The following CTSC variants were observed in gnomAD, a reference collection of about 807,000 sequenced individuals.
The protein encoded by CTSC is cathepsin C, also known as dipeptidyl peptidase 1.
CTSC carries 37 observed loss-of-function variants against 40.9 expected under a neutral mutation model. The ratio of observed to expected loss-of-function variants is 0.91; its 90% CI spans 0.70 to 1.19. The LOEUF (loss-of-function observed/expected upper bound fraction) is 1.19. CTSC is among the 50% of genes most tolerant of loss of function. The pLI is 0.00. For missense variants in CTSC, 594 were observed against 567.3 expected (o/e 1.05, Z -0.48); for synonymous variants, 232 against 207.4 (o/e 1.12, Z -1.02).
chr11:88,333,330 A>G (rs1433557076), intron 2 of CTSC, among the ~76,000 whole-genome samples: 1 of 152,188 alleles, frequency 6.6e-6, no homozygotes, highest in Non-Finnish European at 1.5e-5. Context: ...TATTTAACCT[A>G]TTTCCCAACT....
At chr11:88,310,493 A>G (rs1171839270) in intron 3 of CTSC, among the ~76,000 whole-genome samples, 2 of 152,222 alleles carry the variant, frequency 1.3e-5, no homozygotes, top group Non-Finnish European at 2.9e-5. Context: ...AAAACAAGAT[A>G]TAATTAACCT....
rs1387914452 is a variant in CTSC at position 88,309,195 on chromosome 11, C to A, written c.609G>T (p.Arg203Ser). 3 of 1,613,880 alleles carry A rather than the reference C, an allele frequency of 1.9e-6. No homozygotes were observed. The highest frequency in any genetic ancestry group is 2.5e-6 in the Non-Finnish European group (3 of 1,179,946). ...YETLTLGDMI[R>S]RSGGHSRKIP... ...TTTTTCGACTGTGGCCACCACTTCTCCTAATCATATCTCCCAGGGTAAGAG... is the reference window on the plus strand; with the variant it reads ...TTTTTCGACTGTGGCCACCACTTCTACTAATCATATCTCCCAGGGTAAGAG... The change falls in exon 4 of 7, where the codon AGG becomes AGT. Residue 203 changes from arginine to serine, a missense_variant. Coordinates refer to ENST00000227266, the MANE Select transcript of CTSC (RefSeq NM_001814.6).
intron 2 of CTSC, chr11:88,325,338 T>C (rs1329392148): frequency 1.0e-6 from 1 of 985,312 alleles, no homozygotes; most frequent in Non-Finnish European, 1.2e-6. Context: ...AGTAGCCTAA[T>C]AGCTAAGGAA....
chr11:88,310,029 T>A (rs1248427798), intron 3 of CTSC, among the ~76,000 whole-genome samples: 1 of 152,160 alleles, frequency 6.6e-6, no homozygotes, highest in East Asian at 1.9e-4. Flanking sequence ...TATAACCATA[T>A]GATACTAAAA....
intron 2 of CTSC, among the ~76,000 whole-genome samples, chr11:88,329,996 T>C (rs763901569): frequency 1.3e-5 from 2 of 152,322 alleles, no homozygotes; most frequent in Non-Finnish European, 1.5e-5. Context: ...CTAGCCTGCA[T>C]TGTGTTTTTA....
At chr11:88,296,053 C>A (rs1407012173) in intron 6 of CTSC, 80 bp downstream of exon 6, 4 of 1,469,632 alleles carry the variant, frequency 2.7e-6, no homozygotes, top group Non-Finnish European at 3.8e-6. Context: ...TCTACTGCAT[C>A]ATCCTTTTGC....
chr11:88,336,539 CAAAAA>C (rs35388709), intron 1 of CTSC, among the ~76,000 whole-genome samples: 1 of 87,398 alleles, frequency 1.1e-5, no homozygotes, highest in Non-Finnish European at 2.6e-5. Context: ...ACTCCATTCT[CAAAAA>C]AAAAAAAAAA....
chr11:88,311,602 G>C (rs1268395629), intron 3 of CTSC, among the ~76,000 whole-genome samples: 1 of 152,170 alleles, frequency 6.6e-6, no homozygotes, highest in Admixed American at 6.5e-5. Flanking sequence ...GCAGTTTATA[G>C]TCTGAATTGT....
chr11:88,296,275 A>G lies in CTSC; in HGVS notation c.758-11T>C. ...AGCTGCCACAGGATGCTGGCGATGAAAAAAAGACACATAATCCAAGAGACA... is the reference window on the plus strand; with the variant it reads ...AGCTGCCACAGGATGCTGGCGATGAGAAAAAGACACATAATCCAAGAGACA... On this transcript the variant is annotated splice_polypyrimidine_tract_variant and intron_variant, in intron 5 of 6. Transcript: ENST00000227266. The G allele has an allele frequency of 6.2e-7, 1 of 1,613,552 alleles. No individual in the cohort carries two copies. The highest frequency in any genetic ancestry group is 8.5e-7 in the Non-Finnish European group (1 of 1,179,644).
chr11:88,316,145 C>T (rs1162830306), intron 2 of CTSC, among the ~76,000 whole-genome samples: 3 of 152,154 alleles, frequency 2.0e-5, no homozygotes, highest in Non-Finnish European at 4.4e-5. Flanking sequence ...CCTATGTTGC[C>T]TTGGCTCTTT....
Position 88,294,321 on chromosome 11 carries a change from C to A in CTSC, c.1077G>T (p.Leu359=). Residue 359 remains leucine, a synonymous_variant, in exon 7 of 7, where the codon CTG becomes CTT. Coordinates refer to ENST00000227266, the MANE Select transcript of CTSC (RefSeq NM_001814.6). The part of the protein sequence containing the change: ...GGFYGGCNEA[L]MKLELVHHGP... ...CATGATGGACCAACTCAAGCTTCAT[C>A]AGGGCTTCATTGCAGCCTCCATAGA... 4 of 1,614,148 alleles carry A rather than the reference C, an allele frequency of 2.5e-6. No homozygotes were observed. The highest frequency in any genetic ancestry group is 3.4e-6 in the Non-Finnish European group (4 of 1,180,024).
In CTSC at chr11:88,309,142, A is replaced by G. The variant is rs767951016; in HGVS notation, c.641+21T>C. On this transcript the variant is annotated intron_variant, in intron 4 of 6. Transcript: ENST00000227266. ...TTCAGCATTCATATTTTTATTAATG[A>G]TAAAATGTGTGCTTGATTACCTTGG... The G allele has an allele frequency of 8.7e-6, 14 of 1,610,038 alleles. No homozygotes were observed. The Admixed American group carries it at 1.0e-4, about 12-fold the overall frequency.
In CTSC at chr11:88,293,753, A is replaced by G. The variant is rs116618365; in HGVS notation, c.*253T>C. ...AGCATGTTTGAATTACAAATGATTA[A>G]GCAAACTCTATTACTTCATAGCTGA... On this transcript the variant is annotated 3_prime_UTR_variant, in exon 7 of 7. Coordinates refer to ENST00000227266, the MANE Select transcript of CTSC (RefSeq NM_001814.6). 1,455 of 516,386 alleles carry G rather than the reference A, an allele frequency of 2.8e-3. 20 individuals are homozygous for G. The highest frequency in any genetic ancestry group is 0.023 in the African/African-American group (1,208 of 52,554). The allele number at this position is 516,386 out of a possible 1,614,324, so 32.0% of individuals were successfully genotyped here.
rs3079112 is a variant in CTSC, at chr11:88,336,238, TA to T, written c.173-1157del. ...CTGCCCCAACCTTCAAACTCAAATT[TA>T]AAAAAAAAAAAAAAAAAAAGGCCAG... On this transcript the variant is annotated intron_variant, in intron 1 of 6. Coordinates refer to ENST00000227266, the MANE Select transcript of CTSC (RefSeq NM_001814.6). Among the ~76,000 whole-genome samples, 399 of 127,162 alleles carry T rather than the reference TA, an allele frequency of 3.1e-3. 1 individual carries two copies. The highest frequency in any genetic ancestry group is 8.7e-3 in the East Asian group (39 of 4,476). The allele number at this position is 127,162 out of a possible 152,430, so 83.4% of individuals were successfully genotyped here.
At chr11:88,322,609 T>G (rs1291489317) in intron 2 of CTSC, 1 of 152,046 alleles carries the variant, frequency 6.6e-6, no homozygotes. Flanking sequence ...CTCACAGAAG[T>G]ACAAACAACC....
At position 88,334,947 on chromosome 11, in the gene CTSC, G is replaced by A. The variant is rs769892343; in HGVS notation, c.308C>T (p.Ala103Val). The change falls in exon 2 of 7, where the codon GCC becomes GTC. Residue 103 changes from alanine (A) to valine (V), a missense_variant. Ala to Val is a moderately conservative substitution (Grantham distance 64). Coordinates refer to ENST00000227266, the MANE Select transcript of CTSC (RefSeq NM_001814.6). ...EIVLNDYKWF[A>V]FFKYKEEGSK... is the part of the protein sequence containing the mutation. The stretch of plus-strand genomic sequence containing the variant: ...TCCAACAAAACTAACCTTAAAAAAG[G>A]CAAACCACTTGTAGTCATTCAACAC... The A allele has an allele frequency of 1.9e-6, 3 of 1,611,982 alleles. No individual in the cohort carries two copies. The highest frequency in any genetic ancestry group is 2.5e-6 in the Non-Finnish European group (3 of 1,178,456).
At chr11:88,316,798 G>A (rs1268227878) in intron 2 of CTSC, among the ~76,000 whole-genome samples, 1 of 152,192 alleles carries the variant, frequency 6.6e-6, no homozygotes, top group African/African-American at 2.4e-5. Context: ...GAGGTGTGGT[G>A]ATGCCAATAT....
rs1333533122 is a variant in CTSC, at chr11:88,317,626, G to A, written c.319-5072C>T. ...TTTTCTTGATTTGAATGTTTTCGGGGTATGTCATTTTTTCCTGTGAAATAC... is the reference window on the plus strand; with the variant it reads ...TTTTCTTGATTTGAATGTTTTCGGGATATGTCATTTTTTCCTGTGAAATAC... On this transcript the variant is annotated intron_variant, in intron 2 of 6. Transcript: ENST00000227266. 3.3e-5 allele frequency among the ~76,000 whole-genome samples: 5 copies of A among 152,084 alleles called. No individual in the cohort carries two copies. In the East Asian group the frequency reaches 9.6e-4, roughly 29 times the overall value.
intron 5 of CTSC, 85 bp downstream of exon 5, chr11:88,300,445 G>T: frequency 1.2e-6 from 1 of 813,844 alleles, no homozygotes; most frequent in South Asian, 1.4e-5. Context: ...TTCCATCTAG[G>T]TATCCCCGAA....
Sources: allele counts gnomAD v4.1 joint callset (sites outside exome capture counted in the v4.1 genomes callset), GRCh38; gene constraint gnomAD v4.1.1; transcripts MANE v1.5; gene names NCBI Gene and HGNC (gene_info 2026-07-23, HGNC 2026-07-21).